Variants in PPP3CA observed in about 807,000 individuals in gnomAD.
The protein encoded by PPP3CA is CAM-PRP catalytic subunit.
A neutral mutation model predicts 66.5 loss-of-function variants in PPP3CA; 14 were observed. That is an observed-to-expected ratio of 0.21 (90% CI 0.14 to 0.33). The LOEUF is 0.33. PPP3CA is among the 10% of genes least tolerant of loss of function. PPP3CA has a pLI of 1.00. For missense variants in PPP3CA, 317 were observed against 639.5 expected (o/e 0.50, Z 5.44); for synonymous variants, 232 against 226.2 (o/e 1.03, Z -0.23).
At chr4:101,280,352 GT>G (rs1437807516) in intron 1 of PPP3CA, among the ~76,000 whole-genome samples, 1 of 152,250 alleles carries the variant, frequency 6.6e-6, no homozygotes, top group Admixed American at 6.5e-5. Flanking sequence ...CTGTGAATCT[GT>G]TTTCTTTTTT....
chr4:101,294,671 G>A (rs189826918), intron 1 of PPP3CA, among the ~76,000 whole-genome samples: 47 of 152,050 alleles, frequency 3.1e-4, no homozygotes, highest in Admixed American at 5.2e-4. Flanking sequence ...TCTGGGGCAG[G>A]GTTTCAACCT....
chr4:101,293,368 A>G (rs1728092918), intron 1 of PPP3CA, among the ~76,000 whole-genome samples: 1 of 152,182 alleles, frequency 6.6e-6, no homozygotes, highest in Admixed American at 6.5e-5. Flanking sequence ...GGAATAAGAC[A>G]CGCTCAGGAA....
Position 101,275,869 on chromosome 4 carries a change from TTTG to T in PPP3CA, c.58+70867_58+70869del, listed in dbSNP as rs200271598. 3.6e-3 allele frequency among the ~76,000 whole-genome samples: 514 copies of T among 142,028 alleles called. 3 individuals are homozygous for T. Among genetic ancestry groups the T allele is most frequent in the African/African-American group, 0.013 (485 of 38,698 alleles). The allele number at this position is 142,028 out of a possible 152,430, so 93.2% of individuals were successfully genotyped here. A position where few individuals can be genotyped will look rare whatever the true frequency, so the allele number is the denominator to read the frequency against. On this transcript the variant is annotated intron_variant, in intron 1 of 13. Transcript: ENST00000394854. The stretch of plus-strand genomic sequence containing the variant: ...TTCTGTGTGTATGTGTGGTTTTTTT[TTTG>T]TTTTTTGTTTGTTTGTTTGTTTTTT...
intron 1 of PPP3CA, among the ~76,000 whole-genome samples, chr4:101,333,311 T>G (rs34311242): frequency 8.9e-6 from 1 of 111,766 alleles, no homozygotes; most frequent in Non-Finnish European, 1.7e-5. Flanking sequence ...TTTTTTTTTG[T>G]AGAGATGAGG....
Position 101,176,590 on chromosome 4 carries a change from T to C in PPP3CA, c.259+19326A>G, listed in dbSNP as rs756179936. The stretch of plus-strand genomic sequence containing the variant: ...TCCAAAAGTAAAATTATATGACTAT[T>C]TAGAGCAGAAAATAGCACAGAAGAA... On this transcript the variant is annotated intron_variant, in intron 2 of 13. Coordinates refer to ENST00000394854, the MANE Select transcript of PPP3CA (RefSeq NM_000944.5). Among the ~76,000 whole-genome samples, 7 of 152,186 alleles carry C rather than the reference T, an allele frequency of 4.6e-5. No individual in the cohort carries two copies. In the East Asian group the frequency reaches 1.4e-3, roughly 29 times the overall value.
At chr4:101,264,470 A>G (rs944180855) in intron 1 of PPP3CA, among the ~76,000 whole-genome samples, 1 of 152,006 alleles carries the variant, frequency 6.6e-6, no homozygotes, top group Admixed American at 6.5e-5. Context: ...GTTAACAAAA[A>G]GAAAAAATTA....
At position 101,245,854 on chromosome 4, in the gene PPP3CA, C is replaced by T. The variant is rs562951443; in HGVS notation, c.59-49738G>A. Among the ~76,000 whole-genome samples the T allele has an allele frequency of 3.9e-5, 6 of 152,144 alleles. 1 individual carries two copies. The South Asian group carries it at 1.0e-3, about 26-fold the overall frequency. On this transcript the variant is annotated intron_variant, in intron 1 of 13. Coordinates refer to ENST00000394854, the MANE Select transcript of PPP3CA (RefSeq NM_000944.5). ...GGACCCTTCCTCCCTTCAGAACACA[C>T]ATTAAAGAAGTAATTTTGGAAATTA...
intron 10 of PPP3CA, 143 bp downstream of exon 10, chr4:101,060,944 A>T: frequency 5.4e-6 from 4 of 740,050 alleles, no homozygotes; most frequent in Non-Finnish European, 9.0e-6. Context: ...AAGTAAACAG[A>T]AAATGAAATC....
At chr4:101,217,063 T>C (rs2110210304) in intron 1 of PPP3CA, among the ~76,000 whole-genome samples, 1 of 152,206 alleles carries the variant, frequency 6.6e-6, no homozygotes, top group East Asian at 1.9e-4. Context: ...ATCAATCAAC[T>C]CAATGGTGCT....
At chr4:101,043,557 T>TTA (rs1446700277) in intron 10 of PPP3CA, among the ~76,000 whole-genome samples, 1 of 139,356 alleles carries the variant, frequency 7.2e-6, no homozygotes, top group Non-Finnish European at 1.6e-5. Flanking sequence ...TTTTCTTAAT[T>TTA]AAAAAAAAAA....
intron 1 of PPP3CA, among the ~76,000 whole-genome samples, chr4:101,345,249 T>TC (rs1729944773): frequency 6.6e-6 from 1 of 152,110 alleles, no homozygotes; most frequent in African/African-American, 2.4e-5. Flanking sequence ...GAACGTAATT[T>TC]CCCCCATCAC....
chr4:101,243,915 T>C (rs763857706), intron 1 of PPP3CA, among the ~76,000 whole-genome samples: 1 of 152,196 alleles, frequency 6.6e-6, no homozygotes, highest in Admixed American at 6.5e-5. Flanking sequence ...TTCAAAACTA[T>C]TAAGTCTTGA....
chr4:101,068,975 T>G (rs1375511162), intron 8 of PPP3CA, among the ~76,000 whole-genome samples: 2 of 152,186 alleles, frequency 1.3e-5, no homozygotes, highest in Non-Finnish European at 2.9e-5. Context: ...TTATATTGTT[T>G]CATCCAGTAC....
intron 1 of PPP3CA, among the ~76,000 whole-genome samples, chr4:101,329,120 G>A (rs529644055): frequency 3.6e-4 from 55 of 152,222 alleles, no homozygotes; most frequent in African/African-American, 1.1e-3. Context: ...GGCCTCTTGC[G>A]CCAAACATCC....
At position 101,071,155 on chromosome 4, in the gene PPP3CA, A is replaced by G. The variant is rs575141226; in HGVS notation, c.956-7798T>C. On this transcript the variant is annotated intron_variant, in intron 8 of 13. Coordinates refer to ENST00000394854, the MANE Select transcript of PPP3CA (RefSeq NM_000944.5). ...GCAGCTCCAAAAGCCTAATAAGGGTAACTGTACTCTGGTGGGAGGTATTTT... is the reference window on the plus strand; with the variant it reads ...GCAGCTCCAAAAGCCTAATAAGGGTGACTGTACTCTGGTGGGAGGTATTTT... Among the ~76,000 whole-genome samples the G allele has an allele frequency of 1.8e-4, 28 of 152,306 alleles. No homozygotes were observed. The South Asian group carries it at 5.2e-3, about 28-fold the overall frequency.
At chr4:101,053,646 G>A (rs913414548) in intron 10 of PPP3CA, among the ~76,000 whole-genome samples, 8 of 151,820 alleles carry the variant, frequency 5.3e-5, no homozygotes, top group African/African-American at 9.7e-5. Flanking sequence ...AGAATTACAC[G>A]TCAGTTTTAC....
At chr4:101,163,109 C>T (rs955516186) in intron 2 of PPP3CA, among the ~76,000 whole-genome samples, 3 of 152,118 alleles carry the variant, frequency 2.0e-5, no homozygotes, top group African/African-American at 7.2e-5. Flanking sequence ...CTGGCAATTC[C>T]ATATTCCAAT....
chr4:101,309,479 G>C (rs181297245), intron 1 of PPP3CA, among the ~76,000 whole-genome samples: 1 of 152,128 alleles, frequency 6.6e-6, no homozygotes, highest in Non-Finnish European at 1.5e-5. Context: ...AAAGCAAAGC[G>C]GGTGGGGGGT....
At chr4:101,299,097 C>T (rs941960145) in intron 1 of PPP3CA, among the ~76,000 whole-genome samples, 2 of 145,638 alleles carry the variant, frequency 1.4e-5, no homozygotes, top group Non-Finnish European at 3.0e-5. Flanking sequence ...ATATCAAGTG[C>T]CATATATCGT....
Sources: gnomAD v4.1 joint callset for allele counts (sites outside exome capture counted in the v4.1 genomes callset) on GRCh38, gnomAD v4.1.1 for gene constraint, MANE v1.5 for transcripts, NCBI Gene and HGNC (gene_info 2026-07-23, HGNC 2026-07-21) for gene names.